Variants in SLC25A48 observed in about 807,000 individuals in gnomAD.
SLC25A48 encodes CTC-321K16.1.
In SLC25A48, 29 loss-of-function variants were observed where a neutral mutation model predicts 32.2. That is an observed-to-expected ratio of 0.90 (90% CI 0.67 to 1.23). The LOEUF is 1.23. Ranked by LOEUF, SLC25A48 falls within the 50% of genes most tolerant of loss-of-function variation. SLC25A48 has a pLI of 0.00. For missense variants in SLC25A48, 399 were observed against 422.7 expected (o/e 0.94, Z 0.49); for synonymous variants, 164 against 172.3 (o/e 0.95, Z 0.38).
chr5:135,849,922 T>C (rs1047143428), intron 2 of SLC25A48, among the ~76,000 whole-genome samples: 7 of 152,264 alleles, frequency 4.6e-5, no homozygotes, highest in East Asian at 3.9e-4. Flanking sequence ...GGAGGCTTCA[T>C]TGACCTTTGA....
intron 1 of SLC25A48, among the ~76,000 whole-genome samples, chr5:135,628,943 A>G (rs1202644031): frequency 6.6e-6 from 1 of 152,210 alleles, no homozygotes; most frequent in African/African-American, 2.4e-5. Flanking sequence ...CCAGATGAGC[A>G]TATGTGTGAA....
intron 3 of SLC25A48, among the ~76,000 whole-genome samples, chr5:135,766,739 C>T (rs62365705): frequency 0.41 from 61,144 of 150,558 alleles, 14,237 homozygotes; most frequent in Non-Finnish European, 0.52. Context: ...CCTCATATCC[C>T]CAGGAGTGTA....
At chr5:135,664,985 T>G (rs1753487228) in intron 3 of SLC25A48, among the ~76,000 whole-genome samples, 1 of 152,210 alleles carries the variant, frequency 6.6e-6, no homozygotes, top group African/African-American at 2.4e-5. Flanking sequence ...TTTAAATTCT[T>G]TAACCAATCT....
At chr5:135,722,500 T>G (rs1047379603) in intron 3 of SLC25A48, among the ~76,000 whole-genome samples, 1 of 152,212 alleles carries the variant, frequency 6.6e-6, no homozygotes, top group Non-Finnish European at 1.5e-5. Flanking sequence ...TTTACATTTT[T>G]TATTATGGTG....
At chr5:135,797,434 A>C (rs1757214266) in intron 3 of SLC25A48, among the ~76,000 whole-genome samples, 1 of 151,712 alleles carries the variant, frequency 6.6e-6, no homozygotes, top group Admixed American at 6.6e-5. Flanking sequence ...CTTGCTGTGA[A>C]ATTGCTTTTA....
At chr5:135,580,495 G>A (rs370543183) in intron 1 of SLC25A48, among the ~76,000 whole-genome samples, 14 of 152,140 alleles carry the variant, frequency 9.2e-5, no homozygotes, top group East Asian at 3.8e-4. Flanking sequence ...AATCTGTGTC[G>A]TCTCTTCCCA....
At chr5:135,746,009 C>T (rs981661418) in intron 3 of SLC25A48, among the ~76,000 whole-genome samples, 4 of 152,194 alleles carry the variant, frequency 2.6e-5, no homozygotes, top group Admixed American at 6.5e-5. Context: ...GTCTTGGCCT[C>T]CATCCGTGCC....
At position 135,721,192 on chromosome 5, in the gene SLC25A48, C is replaced by CTTT. The variant is rs757412641; in HGVS notation, c.-521+86263_-521+86265dup. On this transcript the variant is annotated intron_variant, in intron 3 of 10. Transcript: ENST00000646290. ...GAGTAGCTGGGACACCATGCCTGGC[C>CTTT]TTTTTTTTTTTTTTTTTTTTTTTTT... Among the ~76,000 whole-genome samples, 58 of 53,882 alleles carry CTTT rather than the reference C, an allele frequency of 1.1e-3. 10 individuals carry two copies. Among genetic ancestry groups the CTTT allele is most frequent in the African/African-American group, 2.4e-3 (41 of 16,792 alleles). The allele number at this position is 53,882 out of a possible 152,430, so 35.3% of individuals were successfully genotyped here. A position where few individuals can be genotyped will look rare whatever the true frequency, so the allele number is the denominator to read the frequency against.
chr5:135,656,348 G>T (rs1393493318), intron 3 of SLC25A48, among the ~76,000 whole-genome samples: 1 of 152,116 alleles, frequency 6.6e-6, no homozygotes, highest in African/African-American at 2.4e-5. Context: ...AGTCTGGCTA[G>T]GGCAGCTTTG....
intron 3 of SLC25A48, among the ~76,000 whole-genome samples, chr5:135,640,052 A>G (rs1752796450): frequency 6.6e-6 from 1 of 152,234 alleles, no homozygotes; most frequent in African/African-American, 2.4e-5. Flanking sequence ...AGATGGACTT[A>G]ATGGGGAAAC....
intron 3 of SLC25A48, among the ~76,000 whole-genome samples, chr5:135,759,210 A>G (rs1473111523): frequency 6.6e-6 from 1 of 152,162 alleles, no homozygotes; most frequent in African/African-American, 2.4e-5. Context: ...AATATCATTT[A>G]TGATATCTGT....
Position 135,842,465 on chromosome 5 carries a change from G to T in SLC25A48, c.90+6G>T. 1 of 1,613,416 alleles carries T rather than the reference G, an allele frequency of 6.2e-7. No individual in the cohort carries two copies. The highest frequency in any genetic ancestry group is 2.2e-5 in the East Asian group (1 of 44,880). The stretch of plus-strand genomic sequence containing the variant: ...ACCCTCTGGACACAGTCAAGGTACA[G>T]TAGCCATGTTTCCCATTACCTCTTA... On this transcript the variant is annotated splice_donor_region_variant and intron_variant, in intron 2 of 7. Coordinates refer to ENST00000681962, the MANE Select transcript of SLC25A48 (RefSeq NM_001349336.2).
At chr5:135,581,017 T>G (rs147447591) in intron 1 of SLC25A48, among the ~76,000 whole-genome samples, 11 of 152,344 alleles carry the variant, frequency 7.2e-5, no homozygotes, top group African/African-American at 2.4e-4. Context: ...TCCTAGGGAC[T>G]AGCTGTGTGA....
intron 3 of SLC25A48, among the ~76,000 whole-genome samples, chr5:135,798,958 C>T (rs11958906): frequency 1.3e-5 from 2 of 150,728 alleles, no homozygotes; most frequent in Non-Finnish European, 1.5e-5. Flanking sequence ...TTCTAATATC[C>T]GGGGGGGAGA....
Position 135,770,954 on chromosome 5 carries a change from C to T in SLC25A48, c.-520-41569C>T, listed in dbSNP as rs1756391847. On this transcript the variant is annotated intron_variant, in intron 3 of 10. Transcript: ENST00000646290. ...TACTTCCAATATCTCAAGAGGTGTT[C>T]AACCCCCTGTTATATTGTTCCTAAT... is the stretch of plus-strand genomic sequence containing the variant. 2.0e-5 allele frequency among the ~76,000 whole-genome samples: 3 copies of T among 151,840 alleles called. No homozygotes were observed. In the South Asian group the frequency reaches 6.2e-4, roughly 31 times the overall value.
chr5:135,810,709 G>A (rs969778668), intron 3 of SLC25A48, among the ~76,000 whole-genome samples: 2 of 152,078 alleles, frequency 1.3e-5, no homozygotes, highest in African/African-American at 2.4e-5. Context: ...GTGTGCCAGG[G>A]GCCTCTTGAT....
Position 135,880,691 on chromosome 5 carries a change from C to T in SLC25A48, c.*7+594C>T, listed in dbSNP as rs577957550. Among the ~76,000 whole-genome samples the T allele has an allele frequency of 9.3e-4, 142 of 152,306 alleles. 1 individual carries two copies. The highest frequency in any genetic ancestry group is 1.8e-3 in the Non-Finnish European group (121 of 68,022). On this transcript the variant is annotated intron_variant, in intron 7 of 7. Coordinates refer to ENST00000681962, the MANE Select transcript of SLC25A48 (RefSeq NM_001349336.2). ...GCCCTCCTTGGCTCCCCATTGCCCT[C>T]TAGATAAAGCCTTCACCCTGCTTCC...
chr5:135,863,242 C>T (rs1250367623), intron 4 of SLC25A48, among the ~76,000 whole-genome samples: 1 of 152,186 alleles, frequency 6.6e-6, no homozygotes, highest in East Asian at 1.9e-4. Flanking sequence ...AATGAAACAT[C>T]TAAGACGGTT....
At chr5:135,641,453 G>A (rs1283595072) in intron 3 of SLC25A48, among the ~76,000 whole-genome samples, 1 of 152,166 alleles carries the variant, frequency 6.6e-6, no homozygotes, top group Non-Finnish European at 1.5e-5. Context: ...GGCTTGTGCT[G>A]TAGTGTAGAC....
Sources: gnomAD v4.1 joint callset for allele counts (sites outside exome capture counted in the v4.1 genomes callset) on GRCh38, gnomAD v4.1.1 for gene constraint, MANE v1.5 for transcripts, NCBI Gene and HGNC (gene_info 2026-07-23, HGNC 2026-07-21) for gene names.